Variants in ENPP1 observed in about 807,000 individuals in gnomAD.
ENPP1 encodes the protein ectonucleotide pyrophosphatase/phosphodiesterase family member 1.
In ENPP1, 73 loss-of-function variants were observed where a neutral mutation model predicts 122.8. The ratio of observed to expected loss-of-function variants is 0.59; its 90% CI spans 0.49 to 0.72. The LOEUF (loss-of-function observed/expected upper bound fraction) is 0.72, where lower values mean the gene tolerates loss of function less well. Ranked by LOEUF, ENPP1 falls within the 30% of genes least tolerant of loss-of-function variation. The pLI, the probability that ENPP1 is intolerant of heterozygous loss-of-function variation, is 0.00. For synonymous variants in ENPP1, 367 were observed against 391.6 expected (o/e 0.94, Z 0.74); for missense variants, 978 against 1,128.1 (o/e 0.87, Z 1.91).
At chr6:131,827,986 C>A in intron 1 of ENPP1, 1 of 727,598 alleles carries the variant, frequency 1.4e-6, no homozygotes, top group Non-Finnish European at 2.5e-6. Flanking sequence ...GGAGCTGGTA[C>A]CTGGGGTAGT....
intron 1 of ENPP1, among the ~76,000 whole-genome samples, chr6:131,840,432 C>T (rs1781725672): frequency 6.6e-6 from 1 of 152,206 alleles, no homozygotes; most frequent in African/African-American, 2.4e-5. Flanking sequence ...AGTTGACAAA[C>T]ATTGGTAAAG....
rs140625579 is a variant in ENPP1 at position 131,883,749 on chromosome 6, A to T, written c.2286A>T (p.Ile762=). The part of the protein sequence containing the change: ...IYSEALLTTN[I]VPMYQSFQVI... ...CTGAAGCTTTGCTTACTACAAATAT[A>T]GTGCCAATGTACCAGAGTTTTCAAG... The change falls in exon 22 of 25, where the codon ATA becomes ATT. Residue 762 remains isoleucine (I), a synonymous_variant. Transcript: ENST00000647893. 20 of 1,523,860 alleles carry T rather than the reference A, an allele frequency of 1.3e-5. No homozygotes were observed. In the South Asian group the frequency reaches 1.3e-4, roughly 10 times the overall value. The allele number at this position is 1,523,860 out of a possible 1,614,324, so 94.4% of individuals were successfully genotyped here.
At chr6:131,824,564 C>G (rs891076397) in intron 1 of ENPP1, among the ~76,000 whole-genome samples, 89 of 152,180 alleles carry the variant, frequency 5.8e-4, no homozygotes, top group African/African-American at 2.0e-3. Context: ...AAGCGATTCT[C>G]CTGCCTCAGC....
intron 1 of ENPP1, 38 bp from the exon 2 acceptor site, chr6:131,847,738 A>G: frequency 7.1e-7 from 1 of 1,417,122 alleles, no homozygotes; most frequent in South Asian, 1.2e-5. Flanking sequence ...ATATTTTTTA[A>G]AAAAGAAACC....
intron 1 of ENPP1, chr6:131,826,655 T>A (rs886765079): frequency 1.2e-6 from 1 of 802,606 alleles, no homozygotes; most frequent in African/African-American, 1.7e-5. Flanking sequence ...ATTTTCAAGT[T>A]GTTCAGCACA....
chr6:131,875,615 G>A (rs1460875120), intron 16 of ENPP1, among the ~76,000 whole-genome samples, 161 bp from the exon 17 acceptor site: 13 of 152,152 alleles, frequency 8.5e-5, no homozygotes, highest in Admixed American at 7.9e-4. Context: ...GTGTGTGATA[G>A]GGTTAAAACT....
At chr6:131,830,945 C>T (rs976225170) in intron 1 of ENPP1, among the ~76,000 whole-genome samples, 17 of 151,628 alleles carry the variant, frequency 1.1e-4, no homozygotes, top group African/African-American at 4.1e-4. Context: ...ACCACTGTCT[C>T]TACCAAAAAT....
Position 131,875,877 on chromosome 6 carries a change from GGTGCCTTTTTT to G in ENPP1, c.1723+15_1723+25del. 1 of 1,599,918 alleles carries G rather than the reference GGTGCCTTTTTT, an allele frequency of 6.3e-7. No homozygotes were observed. The highest frequency in any genetic ancestry group is 8.6e-7 in the Non-Finnish European group (1 of 1,167,106). ...ACTTAATGTGTGGTAAGTGTGAACAGGTGCCTTTTTTCCCTTCTGAAAATAGACCTGAAATA... is the reference window on the plus strand; with the variant it reads ...ACTTAATGTGTGGTAAGTGTGAACAGCCCTTCTGAAAATAGACCTGAAATA... On this transcript the variant is annotated intron_variant, in intron 17 of 24. Transcript: ENST00000647893.
intron 17 of ENPP1, among the ~76,000 whole-genome samples, chr6:131,876,270 G>T (rs1023592298): frequency 1.3e-5 from 2 of 152,160 alleles, no homozygotes; most frequent in East Asian, 3.9e-4. Flanking sequence ...TCAGTGTCAA[G>T]GTTGCAGAAA....
chr6:131,817,301 A>T (rs1781426789), intron 1 of ENPP1, among the ~76,000 whole-genome samples: 1 of 152,212 alleles, frequency 6.6e-6, no homozygotes, highest in Admixed American at 6.5e-5. Context: ...TGCCTGCTTC[A>T]GTATAACAAT....
intron 13 of ENPP1, among the ~76,000 whole-genome samples, chr6:131,871,126 G>T (rs1376364757): frequency 2.0e-5 from 3 of 151,918 alleles, no homozygotes; most frequent in Non-Finnish European, 4.4e-5. Context: ...TTTGGGATGG[G>T]ATAGCTAAGC....
At chr6:131,876,589 T>C (rs1782232896) in intron 17 of ENPP1, among the ~76,000 whole-genome samples, 1 of 152,220 alleles carries the variant, frequency 6.6e-6, no homozygotes, top group Admixed American at 6.5e-5. Flanking sequence ...GGTTTTGAAT[T>C]CTAGATCATT....
At position 131,866,245 on chromosome 6, in the gene ENPP1, A is replaced by T. The variant is rs1782090080; in HGVS notation, c.1164+1307A>T. ...GGGGTCATAGACTATTAAAAAAAAC[A>T]CTCTTTCTTAATTTTCTAGGGCTTC... On this transcript the variant is annotated intron_variant, in intron 11 of 24. Transcript: ENST00000647893. 3.3e-5 allele frequency among the ~76,000 whole-genome samples: 5 copies of T among 151,706 alleles called. No individual in the cohort carries two copies. In the South Asian group the frequency reaches 1.0e-3, roughly 32 times the overall value.
chr6:131,889,162 T>C (rs1321785081), intron 24 of ENPP1, among the ~76,000 whole-genome samples: 1 of 152,236 alleles, frequency 6.6e-6, no homozygotes, highest in Admixed American at 6.5e-5. Flanking sequence ...TCAAGACTTA[T>C]ATGTTAAATA....
At chr6:131,864,844 A>G in intron 10 of ENPP1, 22 bp from the exon 11 acceptor site, 1 of 1,479,088 alleles carries the variant, frequency 6.8e-7, no homozygotes, top group Non-Finnish European at 9.5e-7. Context: ...AAAATATTAC[A>G]TTTTGATACT....
intron 6 of ENPP1, among the ~76,000 whole-genome samples, chr6:131,857,005 A>C (rs1022209971): frequency 7.3e-4 from 111 of 152,160 alleles, no homozygotes; most frequent in Middle Eastern, 3.4e-3. Context: ...ACTTTAAAGT[A>C]GTTTTTTCCA....
At chr6:131,827,438 C>G (rs1199129418) in intron 1 of ENPP1, 56 of 683,610 alleles carry the variant, frequency 8.2e-5, no homozygotes. Flanking sequence ...AGGAGGAGGT[C>G]AGACTGTAGA....
rs1782455981 is a variant in ENPP1, at chr6:131,890,586, A to G, written c.*75A>G. On this transcript the variant is annotated 3_prime_UTR_variant, in exon 25 of 25. Transcript: ENST00000647893. ...TTTTATATAGTCCTCTAGCTACACT[A>G]TTGCATTGTTCAGAAACTGTCGACC... The G allele has an allele frequency of 6.2e-6, 8 of 1,281,254 alleles. No individual in the cohort carries two copies. Among genetic ancestry groups the G allele is most frequent in the South Asian group, 6.0e-5 (5 of 84,000 alleles). 79.4% of individuals were successfully genotyped at this position (1,281,254 alleles called of 1,614,324 possible).
At chr6:131,825,046 C>T (rs1004530317) in intron 1 of ENPP1, among the ~76,000 whole-genome samples, 7 of 151,008 alleles carry the variant, frequency 4.6e-5, no homozygotes, top group Admixed American at 2.6e-4. Context: ...GGTGACAGAG[C>T]GAGACTGTGT....
Sources: allele counts gnomAD v4.1 joint callset (sites outside exome capture counted in the v4.1 genomes callset), GRCh38; gene constraint gnomAD v4.1.1; transcripts MANE v1.5; gene names NCBI Gene and HGNC (gene_info 2026-07-23, HGNC 2026-07-21).